PAG1: variants seen among roughly 807,000 people sequenced by gnomAD.
PAG1 encodes the protein phosphoprotein associated with glycosphingolipid-enriched microdomains 1.
A neutral mutation model predicts 31.7 loss-of-function variants in PAG1; 23 were observed. The observed-to-expected ratio is 0.73, with a 90% confidence interval of 0.52 to 1.03. The LOEUF is 1.03. Ranked by LOEUF, PAG1 falls within the 50% of genes least tolerant of loss-of-function variation. PAG1 has a pLI of 0.00. For missense variants in PAG1, 473 were observed against 540.7 expected (o/e 0.87, Z 1.24); for synonymous variants, 214 against 210.3 (o/e 1.02, Z -0.15).
chr8:81,019,038 A>G (rs1427695612), intron 3 of PAG1, among the ~76,000 whole-genome samples: 3 of 152,222 alleles, frequency 2.0e-5, no homozygotes, highest in Non-Finnish European at 4.4e-5. Flanking sequence ...TCAGATGGAA[A>G]TGGCAAACTT....
chr8:80,971,267 G>T lies in PAG1; in HGVS notation c.*5277C>A, dbSNP rs1272201765. 6.6e-6 allele frequency: 1 copy of T among 152,140 alleles called. No homozygotes were observed. 9.4% of individuals were successfully genotyped at this position (152,140 alleles called of 1,614,324 possible). A position where few individuals can be genotyped will look rare whatever the true frequency, so the allele number is the denominator to read the frequency against. On this transcript the variant is annotated 3_prime_UTR_variant, in exon 9 of 9. Coordinates refer to ENST00000220597, the MANE Select transcript of PAG1 (RefSeq NM_018440.4). ...TCATGAATTATTTTTTAATATTTTT[G>T]AGTAAGGGGAGTACTTTAATACTGA...
intron 6 of PAG1, 131 bp downstream of exon 6, chr8:80,987,239 G>A (rs1027145043): frequency 6.3e-5 from 40 of 636,014 alleles, no homozygotes; most frequent in Middle Eastern, 2.8e-4. Flanking sequence ...GAGGGGTTCT[G>A]CTAAAACTGC....
intron 3 of PAG1, among the ~76,000 whole-genome samples, chr8:81,015,881 G>A (rs2130702721): frequency 6.6e-6 from 1 of 152,248 alleles, no homozygotes; most frequent in East Asian, 1.9e-4. Context: ...GGGCTGATTT[G>A]TGACTCCCTT....
At chr8:81,032,684 G>C (rs1808395711) in intron 2 of PAG1, among the ~76,000 whole-genome samples, 1 of 152,170 alleles carries the variant, frequency 6.6e-6, no homozygotes, top group African/African-American at 2.4e-5. Context: ...ATGTTAAACA[G>C]AGAGTTACCA....
intron 3 of PAG1, among the ~76,000 whole-genome samples, chr8:81,021,909 T>C (rs1294860905): frequency 6.6e-6 from 1 of 152,184 alleles, no homozygotes; most frequent in Admixed American, 6.5e-5. Flanking sequence ...GAAAAAACAT[T>C]GTGCAATTTG....
chr8:81,067,311 G>A (rs909534243), intron 2 of PAG1, among the ~76,000 whole-genome samples: 1 of 152,078 alleles, frequency 6.6e-6, no homozygotes, highest in Non-Finnish European at 1.5e-5. Flanking sequence ...TCCAACTATC[G>A]TGACTATGTA....
chr8:81,029,273 A>G (rs1808335982), intron 3 of PAG1, among the ~76,000 whole-genome samples: 1 of 152,074 alleles, frequency 6.6e-6, no homozygotes, highest in Admixed American at 6.5e-5. Context: ...CACTAAGCTC[A>G]TGATTCACAA....
At chr8:81,051,298 G>T (rs1010561402) in intron 2 of PAG1, among the ~76,000 whole-genome samples, 6 of 152,162 alleles carry the variant, frequency 3.9e-5, no homozygotes, top group Non-Finnish European at 1.5e-5. Context: ...TCACAGGCAG[G>T]TGCCCTTTAA....
intron 1 of PAG1, among the ~76,000 whole-genome samples, chr8:81,089,251 T>A (rs1400292485): frequency 6.6e-6 from 1 of 152,202 alleles, no homozygotes; most frequent in East Asian, 1.9e-4. Context: ...ACGCTGTGCA[T>A]GCAGTGGGTT....
intron 2 of PAG1, among the ~76,000 whole-genome samples, chr8:81,047,221 T>A (rs1468042817): frequency 6.6e-6 from 1 of 152,230 alleles, no homozygotes; most frequent in Non-Finnish European, 1.5e-5. Context: ...GTAATGGGGT[T>A]GCTGGGTTAA....
intron 3 of PAG1, among the ~76,000 whole-genome samples, chr8:81,007,698 C>T (rs557733456): frequency 3.0e-4 from 43 of 144,350 alleles, no homozygotes; most frequent in African/African-American, 1.0e-3. Context: ...TGAAGAATGA[C>T]ACATGGAGTC....
chr8:81,026,249 G>A (rs1808275706), intron 3 of PAG1, among the ~76,000 whole-genome samples: 1 of 151,746 alleles, frequency 6.6e-6, no homozygotes, highest in African/African-American at 2.4e-5. Flanking sequence ...TCAGGAGGCT[G>A]AGGCACGAGA....
Position 80,976,380 on chromosome 8 carries a change from C to T in PAG1, c.*164G>A. ...TGCAGCCTAGTCCGTACCTCTCTGTCTCAGAAACTGAACAACTGGGAGAAC... is the reference window on the plus strand; with the variant it reads ...TGCAGCCTAGTCCGTACCTCTCTGTTTCAGAAACTGAACAACTGGGAGAAC... On this transcript the variant is annotated 3_prime_UTR_variant, in exon 9 of 9. Coordinates refer to ENST00000220597, the MANE Select transcript of PAG1 (RefSeq NM_018440.4). 3 of 697,740 alleles carry T rather than the reference C, an allele frequency of 4.3e-6. No individual in the cohort carries two copies. The South Asian group carries it at 5.9e-5, about 14-fold the overall frequency. 43.2% of individuals were successfully genotyped at this position (697,740 alleles called of 1,614,324 possible).
intron 2 of PAG1, among the ~76,000 whole-genome samples, chr8:81,051,895 C>T (rs574162623): frequency 3.9e-5 from 6 of 152,094 alleles, no homozygotes; most frequent in Non-Finnish European, 7.4e-5. Context: ...CTTTGGGAGG[C>T]TGAGGTGGGC....
intron 2 of PAG1, among the ~76,000 whole-genome samples, chr8:81,056,925 T>C (rs1808833424): frequency 6.6e-6 from 1 of 152,162 alleles, no homozygotes; most frequent in African/African-American, 2.4e-5. Flanking sequence ...GAACAGACAC[T>C]TCTCAAAAGA....
At chr8:81,097,712 A>T (rs1236539926) in intron 1 of PAG1, among the ~76,000 whole-genome samples, 33 of 40,670 alleles carry the variant, frequency 8.1e-4, no homozygotes, top group Admixed American at 6.7e-3. Context: ...AAGAACTTTA[A>T]AAAAAAAAAA....
At chr8:81,096,314 AC>A (rs35487372) in intron 1 of PAG1, among the ~76,000 whole-genome samples, 16,178 of 152,032 alleles carry the variant, frequency 0.11, 1,713 homozygotes, top group African/African-American at 0.28. Flanking sequence ...ATGCATTCTG[AC>A]CCCCAGAAAG....
At chr8:81,027,337 A>G (rs1808299507) in intron 3 of PAG1, among the ~76,000 whole-genome samples, 3 of 152,222 alleles carry the variant, frequency 2.0e-5, no homozygotes, top group African/African-American at 7.2e-5. Flanking sequence ...GAACAAATGC[A>G]TCATCAAAAA....
At chr8:81,020,083 C>A (rs1434614739) in intron 3 of PAG1, among the ~76,000 whole-genome samples, 1 of 152,140 alleles carries the variant, frequency 6.6e-6, no homozygotes, top group African/African-American at 2.4e-5. Flanking sequence ...TTTGTTTTGG[C>A]CAATTTCTCC....
Sources: allele counts gnomAD v4.1 joint callset (sites outside exome capture counted in the v4.1 genomes callset), GRCh38; gene constraint gnomAD v4.1.1; transcripts MANE v1.5; gene names NCBI Gene and HGNC (gene_info 2026-07-23, HGNC 2026-07-21).